PDE7B: variants seen among roughly 807,000 people sequenced by gnomAD.
PDE7B encodes the protein phosphodiesterase 7B.
A neutral mutation model predicts 56.2 loss-of-function variants in PDE7B; 29 were observed. The observed-to-expected ratio is 0.52, with a 90% CI of 0.38 to 0.70. The LOEUF is 0.70. PDE7B is among the 30% of genes least tolerant of loss of function. PDE7B has a pLI of 0.00. For missense variants in PDE7B, 490 were observed against 565.0 expected (o/e 0.87, Z 1.35); for synonymous variants, 197 against 196.9 (o/e 1.00, Z 0.00).
intron 2 of PDE7B, among the ~76,000 whole-genome samples, chr6:135,988,203 A>G (rs773040598): frequency 2.3e-4 from 35 of 152,166 alleles, no homozygotes; most frequent in Non-Finnish European, 4.6e-4. Flanking sequence ...CAACCCACAA[A>G]TATTATTTGT....
chr6:135,928,503 A>ATATATATATTTATTTATATATATATATT lies in PDE7B; in HGVS notation c.22-18952_22-18951insTTATTTATATATATATATTTATATATAT, dbSNP rs1562442949. Among the ~76,000 whole-genome samples the ATATATATATTTATTTATATATATATATT allele has an allele frequency of 3.2e-3, 330 of 102,778 alleles. 4 individuals are homozygous for ATATATATATTTATTTATATATATATATT. The highest frequency in any genetic ancestry group is 0.011 in the African/African-American group (297 of 26,734). The allele number at this position is 102,778 out of a possible 152,430, so 67.4% of individuals were successfully genotyped here. On this transcript the variant is annotated intron_variant, in intron 1 of 12. Coordinates refer to ENST00000308191, the MANE Select transcript of PDE7B (RefSeq NM_018945.4). ...TATATTTATTTATATATATATATTT[A>ATATATATATTTATTTATATATATATATT]TATATATATATTTATTTATATATAT...
At chr6:135,951,957 A>G (rs963181858) in intron 2 of PDE7B, among the ~76,000 whole-genome samples, 3 of 152,206 alleles carry the variant, frequency 2.0e-5, no homozygotes, top group African/African-American at 7.2e-5. Context: ...ATATTTTATT[A>G]ACACTCAACA....
At chr6:136,036,751 A>G (rs1776330912) in intron 2 of PDE7B, among the ~76,000 whole-genome samples, 1 of 152,238 alleles carries the variant, frequency 6.6e-6, no homozygotes, top group Non-Finnish European at 1.5e-5. Context: ...TACACCAGCA[A>G]AATGGCATGC....
intron 2 of PDE7B, among the ~76,000 whole-genome samples, chr6:135,963,543 G>T (rs908844825): frequency 6.6e-6 from 1 of 152,146 alleles, no homozygotes. Context: ...GAATGGTTAT[G>T]TATATGTGCA....
intron 2 of PDE7B, among the ~76,000 whole-genome samples, chr6:136,016,432 G>T (rs921605609): frequency 2.6e-5 from 4 of 152,182 alleles, no homozygotes; most frequent in African/African-American, 9.7e-5. Flanking sequence ...TTATATGAGT[G>T]CTAACTACGT....
At position 136,147,426 on chromosome 6, in the gene PDE7B, C is replaced by A; in HGVS notation, c.242C>A (p.Ala81Glu). Reference sequence around the variant, plus strand: ...TTAAGCTTTCAAAGATACTTCCATGCATCAAGGCTGCTTCGTGGAATTATA... The same window carrying A: ...TTAAGCTTTCAAAGATACTTCCATGAATCAAGGCTGCTTCGTGGAATTATA... ...RLLSFQRYFH[A>E]SRLLRGIIPQ... The change falls in exon 4 of 13, where the codon GCA becomes GAA. Residue 81 changes from alanine (A) to glutamate (E), a missense_variant. Ala to Glu is a moderately radical substitution (Grantham distance 107). Coordinates refer to ENST00000308191, the MANE Select transcript of PDE7B (RefSeq NM_018945.4). The A allele has an allele frequency of 6.2e-7, 1 of 1,612,302 alleles. No homozygotes were observed.
chr6:136,192,562 C>G lies in PDE7B; in HGVS notation c.*722C>G, dbSNP rs774100589. 6.6e-6 allele frequency: 1 copy of G among 152,584 alleles called. No individual in the cohort carries two copies. Among genetic ancestry groups the G allele is most frequent in the Non-Finnish European group, 1.5e-5 (1 of 68,030 alleles). The allele number at this position is 152,584 out of a possible 1,614,324, so 9.5% of individuals were successfully genotyped here. On this transcript the variant is annotated 3_prime_UTR_variant, in exon 13 of 13. Coordinates refer to ENST00000308191, the MANE Select transcript of PDE7B (RefSeq NM_018945.4). Reference sequence around the variant, plus strand: ...AAGGGAAGGTGCTGTACAGTTCATTCCTTTGCACCATTAGCCAATCTGTCT... The same window carrying G: ...AAGGGAAGGTGCTGTACAGTTCATTGCTTTGCACCATTAGCCAATCTGTCT...
intron 8 of PDE7B, among the ~76,000 whole-genome samples, chr6:136,159,947 G>A (rs545198369): frequency 6.6e-6 from 1 of 152,202 alleles, no homozygotes; most frequent in Non-Finnish European, 1.5e-5. Context: ...TGTTGGTGGT[G>A]TATTAAAGAC....
intron 1 of PDE7B, among the ~76,000 whole-genome samples, chr6:135,930,517 C>A (rs1463539590): frequency 6.6e-6 from 1 of 152,078 alleles, no homozygotes; most frequent in East Asian, 1.9e-4. Flanking sequence ...GTGCAGAAAT[C>A]TAAGCATAGG....
chr6:136,042,828 G>A (rs1321394977), intron 2 of PDE7B, among the ~76,000 whole-genome samples: 1 of 152,220 alleles, frequency 6.6e-6, no homozygotes, highest in Non-Finnish European at 1.5e-5. Context: ...TTTATGGGAT[G>A]CTTAGTGTAT....
chr6:135,866,385 AT>A (rs1775262121), intron 1 of PDE7B, among the ~76,000 whole-genome samples: 1 of 152,214 alleles, frequency 6.6e-6, no homozygotes, highest in African/African-American at 2.4e-5. Context: ...CATTGTGGCC[AT>A]TATAATATTA....
At chr6:136,054,758 A>C (rs1776699466) in intron 2 of PDE7B, among the ~76,000 whole-genome samples, 1 of 152,122 alleles carries the variant, frequency 6.6e-6, no homozygotes, top group African/African-American at 2.4e-5. Context: ...TTCTCCTTGA[A>C]GAGGATGGAC....
intron 1 of PDE7B, among the ~76,000 whole-genome samples, chr6:135,884,795 A>G (rs1583736812): frequency 6.6e-6 from 1 of 152,138 alleles, no homozygotes; most frequent in East Asian, 1.9e-4. Context: ...CTGAACTCAA[A>G]TCCAGTCTTT....
At chr6:136,039,409 A>G (rs1776379058) in intron 2 of PDE7B, among the ~76,000 whole-genome samples, 1 of 152,236 alleles carries the variant, frequency 6.6e-6, no homozygotes. Flanking sequence ...AGTCTTGGCT[A>G]GGCCTATGCA....
At chr6:136,070,436 A>G (rs945460409) in intron 2 of PDE7B, 8 of 152,130 alleles carry the variant, frequency 5.3e-5, no homozygotes, top group East Asian at 3.8e-4. Flanking sequence ...TCAGGCCTAT[A>G]TTTTTCACAT....
At chr6:135,905,744 G>T (rs1776088108) in intron 1 of PDE7B, among the ~76,000 whole-genome samples, 1 of 152,152 alleles carries the variant, frequency 6.6e-6, no homozygotes, top group South Asian at 2.1e-4. Context: ...GGTGTGGGGA[G>T]TGGGCCAGCA....
chr6:136,037,709 G>T (rs1160173149), intron 2 of PDE7B: 3 of 985,320 alleles, frequency 3.0e-6, no homozygotes, highest in Admixed American at 6.1e-5. Context: ...CTCCAGCAAG[G>T]GGGGAGCCCC....
At chr6:135,992,393 G>A (rs144195672) in intron 2 of PDE7B, among the ~76,000 whole-genome samples, 394 of 152,236 alleles carry the variant, frequency 2.6e-3, no homozygotes, top group Non-Finnish European at 4.5e-3. Context: ...TAAGTATTCT[G>A]TTTGAGGTAA....
rs1779238970 is a variant in PDE7B, at chr6:136,192,075, A to G, written c.*235A>G. 1.8e-6 allele frequency: 1 copy of G among 541,570 alleles called. No homozygotes were observed. Among genetic ancestry groups the G allele is most frequent in the Non-Finnish European group, 3.3e-6 (1 of 299,424 alleles). The allele number at this position is 541,570 out of a possible 1,614,324, so 33.5% of individuals were successfully genotyped here. ...GAGCAACTCCATTCAGTAACGTGGG[A>G]GCTGATCCCACGGGCAGGCTCTCCC... On this transcript the variant is annotated 3_prime_UTR_variant, in exon 13 of 13. Coordinates refer to ENST00000308191, the MANE Select transcript of PDE7B (RefSeq NM_018945.4).
Sources: allele counts gnomAD v4.1 joint callset (sites outside exome capture counted in the v4.1 genomes callset), GRCh38; gene constraint gnomAD v4.1.1; transcripts MANE v1.5; gene names NCBI Gene and HGNC (gene_info 2026-07-23, HGNC 2026-07-21).